Variants in ICA1 observed in about 807,000 individuals in gnomAD.
The protein encoded by ICA1 is 69 kDa islet cell autoantigen.
In ICA1, 40 loss-of-function variants were observed where a neutral mutation model predicts 71.0. That is an observed-to-expected ratio of 0.56 (90% CI 0.44 to 0.73). ICA1 has a LOEUF of 0.73. Ranked by LOEUF, ICA1 falls within the 30% of genes least tolerant of loss-of-function variation. The pLI, the probability that ICA1 is intolerant of heterozygous loss-of-function variation, is 0.00. For missense variants in ICA1, 578 were observed against 576.5 expected, an observed-to-expected ratio of 1.00 and a Z score of -0.03; for synonymous variants, 207 against 209.5, an observed-to-expected ratio of 0.99 and a Z score of 0.10.
intron 6 of ICA1, among the ~76,000 whole-genome samples, chr7:8,215,300 G>A (rs571801050): frequency 3.9e-5 from 6 of 152,152 alleles, no homozygotes; most frequent in South Asian, 2.1e-4. Context: ...AAGGCCTTTC[G>A]TAAATTGCTT....
Position 8,226,886 on chromosome 7 carries a change from G to T in ICA1, c.256+1715C>A, listed in dbSNP as rs1054557157. Among the ~76,000 whole-genome samples the T allele has an allele frequency of 1.2e-4, 18 of 152,166 alleles. No individual in the cohort carries two copies. The highest frequency in any genetic ancestry group is 4.1e-4 in the African/African-American group (17 of 41,432). On this transcript the variant is annotated intron_variant, in intron 4 of 13. Coordinates refer to ENST00000402384, the MANE Select transcript of ICA1 (RefSeq NM_001136020.3). This position sits in a 1 kb window ranked among gnomAD's most constrained non-coding sequence, Gnocchi z 4.4. ...CTAATCTGAGGTGGTTTAGGGGGAA[G>T]TTTTTCCTCTATATTCTTTTAGAAA...
intron 6 of ICA1, among the ~76,000 whole-genome samples, chr7:8,208,650 A>T (rs1196527405): frequency 6.6e-6 from 1 of 152,238 alleles, no homozygotes; most frequent in Non-Finnish European, 1.5e-5. Context: ...AGACTTAGGG[A>T]TAAACTACAG....
intron 6 of ICA1, among the ~76,000 whole-genome samples, chr7:8,213,409 C>T (rs867178470): frequency 1.3e-5 from 2 of 152,216 alleles, no homozygotes; most frequent in African/African-American, 4.8e-5. Context: ...ACACAACTCA[C>T]TGGCATAGGG....
intron 13 of ICA1, among the ~76,000 whole-genome samples, chr7:8,125,725 T>A (rs895789205): frequency 6.6e-6 from 1 of 152,230 alleles, no homozygotes; most frequent in Non-Finnish European, 1.5e-5. Context: ...TGGCACACAG[T>A]GGGACCCGGT....
chr7:8,114,794 CT>C, intron 13 of ICA1: 1 of 152,330 alleles, frequency 6.6e-6, no homozygotes, highest in Non-Finnish European at 1.5e-5. Context: ...AAGATGAAGG[CT>C]TTGTTTAAAA....
At chr7:8,118,568 T>C (rs1437436620) in intron 13 of ICA1, among the ~76,000 whole-genome samples, 1 of 152,224 alleles carries the variant, frequency 6.6e-6, no homozygotes, top group African/African-American at 2.4e-5. Flanking sequence ...CCTCCCTGGT[T>C]CCTAGAAAAT....
chr7:8,145,764 A>ATATATATATATATG (rs55971486), intron 8 of ICA1, among the ~76,000 whole-genome samples: 2,976 of 136,238 alleles, frequency 0.022, 202 homozygotes, highest in Non-Finnish European at 0.033. Context: ...ATATATATAT[A>ATATATATATATATG]TATGTATATA....
At chr7:8,192,690 G>C (rs1786088096) in intron 6 of ICA1, among the ~76,000 whole-genome samples, 1 of 20,718 alleles carries the variant, frequency 4.8e-5, no homozygotes, top group East Asian at 1.4e-3. Flanking sequence ...TATGATTTTT[G>C]ATTTTCAACA....
chr7:8,171,911 T>C (rs1331293818), intron 6 of ICA1, among the ~76,000 whole-genome samples: 1 of 151,992 alleles, frequency 6.6e-6, no homozygotes, highest in African/African-American at 2.4e-5. Flanking sequence ...ATTCAGGGGA[T>C]ATTACAGATA....
At chr7:8,197,559 A>AC (rs1459556204) in intron 6 of ICA1, among the ~76,000 whole-genome samples, 1 of 127,888 alleles carries the variant, frequency 7.8e-6, no homozygotes, top group East Asian at 2.3e-4. Flanking sequence ...AAAAAAAAAA[A>AC]AAAGAAGAAA....
chr7:8,240,184 G>A (rs539320010), intron 1 of ICA1, among the ~76,000 whole-genome samples: 5 of 152,238 alleles, frequency 3.3e-5, no homozygotes, highest in East Asian at 1.9e-4. Context: ...CCTCTGGGAC[G>A]AAGCTTCCAG....
At chr7:8,139,455 A>T (rs1478608887) in intron 10 of ICA1, among the ~76,000 whole-genome samples, 1 of 152,222 alleles carries the variant, frequency 6.6e-6, no homozygotes, top group Non-Finnish European at 1.5e-5. Flanking sequence ...CAATTATATG[A>T]CATTTTGGAA....
intron 6 of ICA1, among the ~76,000 whole-genome samples, chr7:8,162,691 A>T (rs1433240931): frequency 1.3e-5 from 2 of 152,116 alleles, no homozygotes; most frequent in Non-Finnish European, 1.5e-5. Context: ...CACTCAAATA[A>T]ATGTACCCTT....
At chr7:8,193,234 T>C (rs1184018084) in intron 6 of ICA1, among the ~76,000 whole-genome samples, 1 of 152,236 alleles carries the variant, frequency 6.6e-6, no homozygotes, top group East Asian at 1.9e-4. Context: ...TACATTAGTT[T>C]ACATATATCT....
At position 8,132,380 on chromosome 7, in the gene ICA1, C is replaced by T. The variant is rs1791793417; in HGVS notation, c.1061-4238G>A. On this transcript the variant is annotated intron_variant, in intron 12 of 13. Coordinates refer to ENST00000402384, the MANE Select transcript of ICA1 (RefSeq NM_001136020.3). The surrounding 1 kb of genome is among the most constrained non-coding windows in gnomAD (Gnocchi z 4.5). ...CACTTGATGTTGCTCTCCACCCTCC[C>T]CTCACACTTTCAAGTTACTGTTCTG... is the stretch of plus-strand genomic sequence containing the variant. Among the ~76,000 whole-genome samples the T allele has an allele frequency of 6.6e-6, 1 of 152,168 alleles. No individual in the cohort carries two copies. Among genetic ancestry groups the T allele is most frequent in the Non-Finnish European group, 1.5e-5 (1 of 68,022 alleles).
rs765571695 is a variant in ICA1 at position 8,222,310 on chromosome 7, C to A, written c.257-912G>T. Among the ~76,000 whole-genome samples, 1 of 152,126 alleles carries A rather than the reference C, an allele frequency of 6.6e-6. No homozygotes were observed. Among genetic ancestry groups the A allele is most frequent in the Non-Finnish European group, 1.5e-5 (1 of 68,020 alleles). ...TCCTGAACACACACCAGCAGCCAAG[C>A]CACAGGCACCAGAGTGACACTTAGC... On this transcript the variant is annotated intron_variant, in intron 4 of 13. Transcript: ENST00000402384. This position sits in a 1 kb window ranked among gnomAD's most constrained non-coding sequence, Gnocchi z 4.8.
intron 3 of ICA1, among the ~76,000 whole-genome samples, chr7:8,228,962 C>A (rs1324345139): frequency 2.0e-5 from 3 of 152,124 alleles, no homozygotes; most frequent in African/African-American, 7.2e-5. Context: ...AAAAAACAGA[C>A]ATCCTAAGTG....
At chr7:8,204,612 T>C (rs1327240413) in intron 6 of ICA1, among the ~76,000 whole-genome samples, 1 of 152,348 alleles carries the variant, frequency 6.6e-6, no homozygotes, top group African/African-American at 2.4e-5. Flanking sequence ...TTTTCTTACA[T>C]AAATAAACCT....
chr7:8,225,584 G>A (rs1798365399), intron 4 of ICA1, among the ~76,000 whole-genome samples: 2 of 152,320 alleles, frequency 1.3e-5, no homozygotes, highest in South Asian at 4.1e-4. Flanking sequence ...TGTACTCACT[G>A]CTATGGAGCG....
Sources: gnomAD v4.1 joint callset for allele counts (sites outside exome capture counted in the v4.1 genomes callset) on GRCh38, gnomAD v4.1.1 for gene constraint, Gnocchi (gnomAD v3.1) non-coding constraint, MANE v1.5 for transcripts, NCBI Gene and HGNC (gene_info 2026-07-23, HGNC 2026-07-21) for gene names.